SHANK2: variants seen among roughly 807,000 people sequenced by gnomAD.
The protein encoded by SHANK2 is SH3 and multiple ankyrin repeat domains protein 2.
A neutral mutation model predicts 133.7 loss-of-function variants in SHANK2; 43 were observed. That is an observed-to-expected ratio of 0.32 (90% CI 0.25 to 0.41). The LOEUF is 0.41. Among genes scored for constraint, SHANK2 ranks in the 10% least tolerant of loss-of-function variants. The pLI is 1.00. For synonymous variants in SHANK2, 1,017 were observed against 952.8 expected, an observed-to-expected ratio of 1.07 and a Z score of -1.24; for missense variants, 1,994 against 2,235.8, an observed-to-expected ratio of 0.89 and a Z score of 2.18.
chr11:70,819,046 G>A (rs1190375985), intron 12 of SHANK2, among the ~76,000 whole-genome samples: 2 of 152,154 alleles, frequency 1.3e-5, no homozygotes, highest in Admixed American at 6.5e-5. Context: ...AAGACTCCCC[G>A]CAGCCAGGCT....
intron 10 of SHANK2, among the ~76,000 whole-genome samples, chr11:70,923,320 G>A (rs560790694): frequency 8.5e-4 from 129 of 152,150 alleles, no homozygotes; most frequent in African/African-American, 2.9e-3. Flanking sequence ...TTGGCTCACC[G>A]CAACCTCCGC....
intron 14 of SHANK2, among the ~76,000 whole-genome samples, chr11:70,712,316 T>C (rs903328009): frequency 6.6e-6 from 1 of 152,174 alleles, no homozygotes; most frequent in Non-Finnish European, 1.5e-5. Flanking sequence ...GACAGCAACC[T>C]GAGTTCCCTC....
intron 17 of SHANK2, among the ~76,000 whole-genome samples, chr11:70,648,875 C>G (rs1359051034): frequency 6.6e-6 from 1 of 152,084 alleles, no homozygotes; most frequent in Non-Finnish European, 1.5e-5. Context: ...GCCATGTGCT[C>G]GGCTCTGGGT....
intron 11 of SHANK2, among the ~76,000 whole-genome samples, chr11:70,881,160 C>T (rs567836222): frequency 6.6e-6 from 1 of 152,312 alleles, no homozygotes; most frequent in South Asian, 2.1e-4. Flanking sequence ...ATTTCAGCCT[C>T]CTGAGTGGTT....
rs377015577 is a variant in SHANK2 at position 70,530,772 on chromosome 11, T to C, written c.2062-27841A>G. 4.2e-4 allele frequency among the ~76,000 whole-genome samples: 64 copies of C among 152,248 alleles called. No homozygotes were observed. In the South Asian group the frequency reaches 0.013, roughly 31 times the overall value. The stretch of plus-strand genomic sequence containing the variant: ...GCTAGTGTTTACTGGGGACGGAGTT[T>C]ACTGGGGACAGTGTTTATTGGGAAG... On this transcript the variant is annotated intron_variant, in intron 17 of 25. Coordinates refer to ENST00000601538, the MANE Select transcript of SHANK2 (RefSeq NM_012309.5).
In SHANK2 at chr11:70,500,289, G is replaced by A. The variant is rs948786085; in HGVS notation, c.2308+281C>T. On this transcript the variant is annotated intron_variant, in intron 21 of 25. Transcript: ENST00000601538. This position sits in a 1 kb window ranked among gnomAD's most constrained non-coding sequence, Gnocchi z 4.5. ...ACCCCCCATCCAGGCAGCCCCAGCT[G>A]AGACCAAACAGGGGTCCGGCCAGCT... Among the ~76,000 whole-genome samples, 13 of 152,158 alleles carry A rather than the reference G, an allele frequency of 8.5e-5. No homozygotes were observed. Among genetic ancestry groups the A allele is most frequent in the African/African-American group, 3.1e-4 (13 of 41,438 alleles).
chr11:70,513,714 T>C (rs2059232783), intron 17 of SHANK2, among the ~76,000 whole-genome samples: 1 of 152,196 alleles, frequency 6.6e-6, no homozygotes, highest in African/African-American at 2.4e-5. Flanking sequence ...AAGAATTATA[T>C]GGAATTGTTA....
intron 14 of SHANK2, among the ~76,000 whole-genome samples, chr11:70,755,705 T>A (rs1946854143): frequency 6.6e-6 from 1 of 152,052 alleles, no homozygotes; most frequent in African/African-American, 2.4e-5. Context: ...TGCCATCTAG[T>A]GGCCACAAGC....
chr11:71,186,810 T>C (rs1953682316), intron 2 of SHANK2, among the ~76,000 whole-genome samples: 1 of 152,218 alleles, frequency 6.6e-6, no homozygotes, highest in Admixed American at 6.5e-5. Flanking sequence ...GTAGGAAACG[T>C]GTCCCAGGAC....
intron 21 of SHANK2, among the ~76,000 whole-genome samples, chr11:70,493,462 A>C (rs2058926513): frequency 7.7e-6 from 1 of 130,694 alleles, no homozygotes; most frequent in African/African-American, 2.7e-5. Flanking sequence ...CATTTGCAGC[A>C]CATTTTTTTT....
At chr11:71,184,897 T>A (rs1296175421) in intron 2 of SHANK2, among the ~76,000 whole-genome samples, 4 of 152,058 alleles carry the variant, frequency 2.6e-5, no homozygotes, top group African/African-American at 9.7e-5. Context: ...AGATGCACCA[T>A]CATACCAGAG....
At chr11:70,548,978 TC>T (rs1400537757) in intron 17 of SHANK2, among the ~76,000 whole-genome samples, 1 of 151,770 alleles carries the variant, frequency 6.6e-6, no homozygotes, top group African/African-American at 2.4e-5. Flanking sequence ...GCAAGGCTCC[TC>T]CCCCAGGGCC....
chr11:70,750,720 A>G (rs1555037312), intron 14 of SHANK2, among the ~76,000 whole-genome samples: 1 of 152,198 alleles, frequency 6.6e-6, no homozygotes, highest in African/African-American at 2.4e-5. Context: ...CAGCATATCA[A>G]TGATATTCAG....
At position 71,252,505 on chromosome 11, in the gene SHANK2, C is replaced by T. The variant is rs1237979519; in HGVS notation, c.-193G>A. ...CACACCTGGATCGGCCGCGGGAACC[C>T]GAGCGGCGCCGCGCCCAGCCCCGCC... On this transcript the variant is annotated 5_prime_UTR_variant, in exon 1 of 26. Coordinates refer to ENST00000601538, the MANE Select transcript of SHANK2 (RefSeq NM_012309.5). The surrounding 1 kb of genome is among the most constrained non-coding windows in gnomAD (Gnocchi z 6.3). 2.6e-5 allele frequency: 4 copies of T among 151,140 alleles called. No individual in the cohort carries two copies. The highest frequency in any genetic ancestry group is 4.4e-5 in the Non-Finnish European group (3 of 67,690). 9.4% of individuals were successfully genotyped at this position (151,140 alleles called of 1,614,324 possible).
chr11:70,936,899 C>T (rs541648496), intron 10 of SHANK2, among the ~76,000 whole-genome samples: 1 of 152,376 alleles, frequency 6.6e-6, no homozygotes, highest in African/African-American at 2.4e-5. Context: ...TCAGCCAGCA[C>T]TGGGTTTCCA....
intron 17 of SHANK2, among the ~76,000 whole-genome samples, chr11:70,561,790 CT>C (rs2059911249): frequency 2.0e-5 from 3 of 152,072 alleles, no homozygotes; most frequent in African/African-American, 7.2e-5. Context: ...CCATCTTGGT[CT>C]CCTAAAGTGT....
intron 10 of SHANK2, among the ~76,000 whole-genome samples, chr11:70,901,131 G>C (rs1389207334): frequency 3.9e-5 from 6 of 152,186 alleles, no homozygotes; most frequent in African/African-American, 7.2e-5. Context: ...CTGAGGCACA[G>C]AGCGATAAGG....
At chr11:70,884,255 G>A (rs535642787) in intron 11 of SHANK2, among the ~76,000 whole-genome samples, 1 of 152,300 alleles carries the variant, frequency 6.6e-6, no homozygotes, top group South Asian at 2.1e-4. Context: ...GGTGGGCAGG[G>A]GCCAGACAGG....
chr11:70,905,684 C>A (rs1440558584), intron 10 of SHANK2, among the ~76,000 whole-genome samples: 1 of 152,206 alleles, frequency 6.6e-6, no homozygotes, highest in African/African-American at 2.4e-5. Flanking sequence ...AAGAAGACCA[C>A]CATCCAGGAA....
Sources: allele counts gnomAD v4.1 joint callset (sites outside exome capture counted in the v4.1 genomes callset), GRCh38; gene constraint gnomAD v4.1.1; non-coding constraint Gnocchi (gnomAD v3.1); transcripts MANE v1.5; gene names NCBI Gene and HGNC (gene_info 2026-07-23, HGNC 2026-07-21).